The following ADGRE1 variants were observed in gnomAD, a reference collection of about 807,000 sequenced individuals.
ADGRE1 encodes the protein adhesion G protein-coupled receptor E1.
In ADGRE1, 82 loss-of-function variants were observed where a neutral mutation model predicts 102.7. That is an observed-to-expected ratio of 0.80 (90% CI 0.67 to 0.96). ADGRE1 has a LOEUF of 0.96. Among genes scored for constraint, ADGRE1 ranks in the 40% least tolerant of loss-of-function variants. The pLI is 0.00. For missense variants in ADGRE1, 1,032 were observed against 1,085.3 expected, an observed-to-expected ratio of 0.95 and a Z score of 0.69; for synonymous variants, 398 against 399.6, an observed-to-expected ratio of 1.00 and a Z score of 0.05.
At chr19:6,921,643 G>T in intron 13 of ADGRE1, 70 bp from the exon 14 acceptor site, 1 of 1,444,780 alleles carries the variant, frequency 6.9e-7, no homozygotes, top group South Asian at 1.4e-5. Flanking sequence ...TCTTGAGGAT[G>T]GTCACATTTA....
rs898188592 is a variant in ADGRE1 at position 6,890,385 on chromosome 19, C to T, written c.32-96C>T. On this transcript the variant is annotated intron_variant, in intron 1 of 20. Transcript: ENST00000312053. ...CTCTTCAAACCTATTTCTGTGGGGC[C>T]AAGCCAGGAGTAATTTTGCAGGTTG... is the stretch of plus-strand genomic sequence containing the variant. The T allele has an allele frequency of 2.4e-6, 3 of 1,225,596 alleles. No homozygotes were observed. The African/African-American group carries it at 4.7e-5, about 19-fold the overall frequency. 75.9% of individuals were successfully genotyped at this position (1,225,596 alleles called of 1,614,324 possible). A position where few individuals can be genotyped will look rare whatever the true frequency, so the allele number is the denominator to read the frequency against.
intron 20 of ADGRE1, among the ~76,000 whole-genome samples, chr19:6,939,270 G>A (rs1381476088): frequency 1.3e-5 from 2 of 152,176 alleles, no homozygotes; most frequent in South Asian, 2.1e-4. Context: ...GAAAAAGACA[G>A]TATAGGTATA....
At chr19:6,897,914 TTTCC>T (rs5826951) in intron 5 of ADGRE1, 32,171 of 159,038 alleles carry the variant, frequency 0.2, 3,760 homozygotes, top group East Asian at 0.42. Flanking sequence ...GCAAACATGA[TTTCC>T]TTCCTTCCTT....
At chr19:6,938,332 C>T (rs972501990) in intron 20 of ADGRE1, among the ~76,000 whole-genome samples, 25 of 114,724 alleles carry the variant, frequency 2.2e-4, no homozygotes, top group Admixed American at 5.8e-4. Flanking sequence ...AGCGAAACTC[C>T]ATCTCAAAAA....
chr19:6,923,916 C>T (rs1183092091), intron 14 of ADGRE1, among the ~76,000 whole-genome samples: 1 of 150,608 alleles, frequency 6.6e-6, no homozygotes, highest in African/African-American at 2.4e-5. Context: ...TTATCTTTAA[C>T]CCACAGAAAC....
intron 17 of ADGRE1, chr19:6,928,453 C>A (rs1975010256): frequency 2.2e-6 from 2 of 891,814 alleles, no homozygotes; most frequent in African/African-American, 3.4e-5. Context: ...TGGCGAAACC[C>A]CATCTCTGCT....
intron 2 of ADGRE1, chr19:6,895,152 C>T (rs1181208398): frequency 6.6e-6 from 1 of 152,214 alleles, no homozygotes; most frequent in African/African-American, 2.4e-5. Flanking sequence ...AGCCTCATCC[C>T]CGTGGTTGGA....
chr19:6,887,968 G>C (rs1311745889), intron 1 of ADGRE1, among the ~76,000 whole-genome samples: 1 of 152,190 alleles, frequency 6.6e-6, no homozygotes, highest in African/African-American at 2.4e-5. Context: ...GGAGCAGACA[G>C]GAAAGAAGGC....
chr19:6,932,029 G>A (rs755925195), intron 17 of ADGRE1, among the ~76,000 whole-genome samples: 1 of 152,134 alleles, frequency 6.6e-6, no homozygotes, highest in Non-Finnish European at 1.5e-5. Context: ...CTGCCCTAAG[G>A]GTATTTCCTA....
Position 6,901,412 on chromosome 19 carries a change from G to T in ADGRE1, c.515-463G>T, listed in dbSNP as rs568013956. ...AACAGAAGCCAACAGGTCTCTTGAGGCCCAGGTTTGGAATTAGCACCTCAT... is the reference window on the plus strand; with the variant it reads ...AACAGAAGCCAACAGGTCTCTTGAGTCCCAGGTTTGGAATTAGCACCTCAT... On this transcript the variant is annotated intron_variant, in intron 5 of 20. Coordinates refer to ENST00000312053, the MANE Select transcript of ADGRE1 (RefSeq NM_001974.5). Among the ~76,000 whole-genome samples the T allele has an allele frequency of 2.0e-5, 3 of 152,256 alleles. No homozygotes were observed. The East Asian group carries it at 5.8e-4, about 29-fold the overall frequency.
In ADGRE1 at chr19:6,919,623, A is replaced by G. The variant is rs770823785; in HGVS notation, c.1496A>G (p.Gln499Arg). 4.3e-6 allele frequency: 7 copies of G among 1,613,622 alleles called. No homozygotes were observed. In the South Asian group the frequency reaches 4.4e-5, roughly 10 times the overall value. ...AATGAGCGCTTCTTCAAAGACCACC[A>G]GGCTCCCTTGACCACCTCTGAGATC... The part of the protein sequence containing the change: ...VLNERFFKDH[Q>R]APLTTSEIKL... The change falls in exon 13 of 21, where the codon CAG becomes CGG. Residue 499 changes from glutamine (Q) to arginine (R), a missense_variant. By Grantham distance (43) the Gln-to-Arg change is conservative (BLOSUM62 1). Transcript: ENST00000312053.
rs761436394 is a variant in ADGRE1 at position 6,919,759 on chromosome 19, G to T, written c.1620+12G>T. ...TGGAGAACATTCAGGTTTGTGAAGA[G>T]GTCTCTACTGAGATTCTTGTCTACC... On this transcript the variant is annotated intron_variant, in intron 13 of 20. Coordinates refer to ENST00000312053, the MANE Select transcript of ADGRE1 (RefSeq NM_001974.5). The T allele has an allele frequency of 6.2e-7, 1 of 1,612,078 alleles. No homozygotes were observed. Among genetic ancestry groups the T allele is most frequent in the Non-Finnish European group, 8.5e-7 (1 of 1,178,464 alleles).
At position 6,903,818 on chromosome 19, in the gene ADGRE1, G is replaced by A. The variant is rs1377582317; in HGVS notation, c.670G>A (p.Glu224Lys). 1 of 1,613,906 alleles carries A rather than the reference G, an allele frequency of 6.2e-7. No homozygotes were observed. The highest frequency in any genetic ancestry group is 2.2e-5 in the East Asian group (1 of 44,896). Residue 224 changes from glutamate (E) to lysine (K), a missense_variant, in exon 7 of 21, where the codon GAA becomes AAA. Glu to Lys is a moderately conservative substitution (Grantham distance 56). Coordinates refer to ENST00000312053, the MANE Select transcript of ADGRE1 (RefSeq NM_001974.5). ...GLKASCEDIDECTEMCPINST... is the reference protein window; with the variant it reads ...GLKASCEDIDKCTEMCPINST... The stretch of plus-strand genomic sequence containing the variant: ...CATTCTGTACCCCACAGATATTGAT[G>A]AATGCACTGAAATGTGCCCCATCAA...
intron 17 of ADGRE1, among the ~76,000 whole-genome samples, chr19:6,932,902 T>C (rs1975223720): frequency 6.6e-6 from 1 of 152,166 alleles, no homozygotes; most frequent in Non-Finnish European, 1.5e-5. Context: ...AAATATTAGG[T>C]ATGAACAATC....
chr19:6,930,629 TGTTTG>T (rs1181990648), intron 17 of ADGRE1, among the ~76,000 whole-genome samples: 1 of 152,058 alleles, frequency 6.6e-6, no homozygotes, highest in African/African-American at 2.4e-5. Flanking sequence ...TTTGTTTTAT[TGTTTG>T]GTTTATTTTT....
At chr19:6,902,433 G>T (rs2198892) in intron 6 of ADGRE1, among the ~76,000 whole-genome samples, 152,206 of 152,248 alleles carry the variant, frequency 1, 76,082 homozygotes, top group Middle Eastern at 1. Context: ...TTTTTTTGGG[G>T]TTTTTTTGTT....
chr19:6,900,311 CAAA>C (rs11334158), intron 5 of ADGRE1, among the ~76,000 whole-genome samples: 2,391 of 114,726 alleles, frequency 0.021, 70 homozygotes, highest in African/African-American at 0.064. Flanking sequence ...CCTGTCTCTA[CAAA>C]AAAAAAAAAA....
chr19:6,921,561 C>CA (rs767668671), intron 13 of ADGRE1, 152 bp from the exon 14 acceptor site: 7 of 885,692 alleles, frequency 7.9e-6, no homozygotes, highest in Non-Finnish European at 1.2e-5. Context: ...TTGGCCCTCA[C>CA]TGCATAATGA....
intron 1 of ADGRE1, among the ~76,000 whole-genome samples, chr19:6,889,574 A>G (rs1398722715): frequency 6.6e-6 from 1 of 150,762 alleles, no homozygotes; most frequent in Non-Finnish European, 1.5e-5. Context: ...TTGTAATCCC[A>G]GCTACTCGGG....
Sources: gnomAD v4.1 joint callset for allele counts (sites outside exome capture counted in the v4.1 genomes callset) on GRCh38, gnomAD v4.1.1 for gene constraint, MANE v1.5 for transcripts, NCBI Gene and HGNC (gene_info 2026-07-23, HGNC 2026-07-21) for gene names.